Variants in UTRN observed in about 807,000 individuals in gnomAD.
The protein encoded by UTRN is dystrophin-related protein 1.
Under a neutral mutation model 463.9 loss-of-function variants are expected in UTRN, and 283 were observed. The ratio of observed to expected loss-of-function variants is 0.61; its 90% CI spans 0.55 to 0.67. UTRN has a LOEUF of 0.67. UTRN is among the 30% of genes least tolerant of loss of function. The probability of loss-of-function intolerance (pLI) is 0.00; values close to 1 mark genes in which losing one functional copy is unlikely to be tolerated. For missense variants in UTRN, 3,922 were observed against 4,084.3 expected (o/e 0.96, Z 1.08); for synonymous variants, 1,442 against 1,431.5 (o/e 1.01, Z -0.17).
chr6:144,609,851 A>G (rs567756921), intron 51 of UTRN, among the ~76,000 whole-genome samples: 2 of 152,314 alleles, frequency 1.3e-5, no homozygotes, highest in East Asian at 3.9e-4. Flanking sequence ...AGAAAAAATT[A>G]GAATGAAATT....
chr6:144,321,461 CT>C (rs529134208), intron 2 of UTRN, among the ~76,000 whole-genome samples: 1,770 of 100,342 alleles, frequency 0.018, 4 homozygotes, highest in East Asian at 0.11. Context: ...TGTGCCATAT[CT>C]TTTTTTTTTT....
At chr6:144,502,699 A>G (rs1794309791) in intron 34 of UTRN, among the ~76,000 whole-genome samples, 2 of 152,208 alleles carry the variant, frequency 1.3e-5, no homozygotes, top group Non-Finnish European at 2.9e-5. Context: ...TGCTATTGTG[A>G]ATAGTGCTGC....
Position 144,757,455 on chromosome 6 carries a change from A to C in UTRN, c.8435-474A>C, listed in dbSNP as rs539863486. Among the ~76,000 whole-genome samples, 3 of 152,142 alleles carry C rather than the reference A, an allele frequency of 2.0e-5. No individual in the cohort carries two copies. In the South Asian group the frequency reaches 6.2e-4, roughly 31 times the overall value. ...AATGTTATAGAATTGAATTTACTTA[A>C]ATGCCATCTGTACTCAATAGCTACT... On this transcript the variant is annotated intron_variant, in intron 57 of 74. Coordinates refer to ENST00000367545, the MANE Select transcript of UTRN (RefSeq NM_007124.3).
chr6:144,590,178 A>C (rs1299705267), intron 51 of UTRN, among the ~76,000 whole-genome samples: 1 of 152,172 alleles, frequency 6.6e-6, no homozygotes, highest in Non-Finnish European at 1.5e-5. Context: ...GAAGTTTAAA[A>C]GTAAGGAAAT....
intron 9 of UTRN, among the ~76,000 whole-genome samples, chr6:144,434,312 C>CATCAGAGGGAGACCGGCTA (rs1786309194): frequency 7.8e-6 from 1 of 128,274 alleles, no homozygotes; most frequent in African/African-American, 2.7e-5. Context: ...AGCTTCGGCT[C>CATCAGAGGGAGACCGGCTA]GGCATCAGAG....
chr6:144,426,701 T>A (rs1447480986), intron 7 of UTRN, among the ~76,000 whole-genome samples: 1 of 152,256 alleles, frequency 6.6e-6, no homozygotes, highest in East Asian at 1.9e-4. Context: ...TATTTATGAA[T>A]TTAAAAAATA....
At chr6:144,398,610 G>A (rs1216635304) in intron 2 of UTRN, 6 of 176,834 alleles carry the variant, frequency 3.4e-5, no homozygotes, top group East Asian at 1.6e-4. Flanking sequence ...ACAGCAGTAC[G>A]GAGAGAAAAA....
At position 144,523,093 on chromosome 6, in the gene UTRN, A is replaced by G; in HGVS notation, c.5811A>G (p.Glu1937=). The change falls in exon 41 of 75, where the codon GAA becomes GAG. Residue 1937 remains glutamate, a synonymous_variant. Coordinates refer to ENST00000367545, the MANE Select transcript of UTRN (RefSeq NM_007124.3). The part of the protein sequence containing the change: ...IHEKQPDVIL[E]ASGPEAIQIR... ...AAAAACAGCCAGATGTCATCCTTGA[A>G]GCCTCTGGACCTGAAGCCATTCAGA... 2.5e-6 allele frequency: 4 copies of G among 1,613,606 alleles called. No homozygotes were observed. In the South Asian group the frequency reaches 3.3e-5, roughly 13 times the overall value.
chr6:144,453,912 G>A, intron 19 of UTRN, 43 bp downstream of exon 19: 1 of 1,550,220 alleles, frequency 6.5e-7, no homozygotes, highest in Non-Finnish European at 8.9e-7. Flanking sequence ...TCAGATGGTG[G>A]CATCGAATAA....
At chr6:144,494,710 T>G (rs1235116253) in intron 33 of UTRN, among the ~76,000 whole-genome samples, 1 of 151,514 alleles carries the variant, frequency 6.6e-6, no homozygotes, top group Non-Finnish European at 1.5e-5. Flanking sequence ...AGATACAGAG[T>G]GTGGACACAA....
At chr6:144,482,017 TCAAAAA>T (rs113400184) in intron 26 of UTRN, among the ~76,000 whole-genome samples, 186 bp from the exon 27 acceptor site, 2,056 of 152,028 alleles carry the variant, frequency 0.014, 45 homozygotes, top group African/African-American at 0.047. Flanking sequence ...AGACTCTATC[TCAAAAA>T]CAAAAACAAA....
chr6:144,702,030 A>G (rs142428715), intron 53 of UTRN, among the ~76,000 whole-genome samples: 2 of 152,322 alleles, frequency 1.3e-5, no homozygotes, highest in African/African-American at 2.4e-5. Context: ...ACTTCTATTA[A>G]TTATTCATAC....
At chr6:144,450,056 C>G (rs771251967) in intron 17 of UTRN, among the ~76,000 whole-genome samples, 10 of 152,138 alleles carry the variant, frequency 6.6e-5, no homozygotes, top group African/African-American at 2.4e-4. Flanking sequence ...TGGTTTTGAC[C>G]AACCTTCTCA....
chr6:144,716,588 C>T (rs1786471175), intron 53 of UTRN, among the ~76,000 whole-genome samples: 1 of 152,034 alleles, frequency 6.6e-6, no homozygotes, highest in African/African-American at 2.4e-5. Context: ...TTCTAGTGGG[C>T]ATTCCTTTCT....
At chr6:144,681,041 G>T (rs997259009) in intron 52 of UTRN, among the ~76,000 whole-genome samples, 2 of 152,152 alleles carry the variant, frequency 1.3e-5, no homozygotes, top group Non-Finnish European at 2.9e-5. Context: ...ACACAGCTAC[G>T]GAGGATGCCT....
At chr6:144,824,607 TA>T (rs1562955066) in intron 66 of UTRN, among the ~76,000 whole-genome samples, 1,253 of 48,204 alleles carry the variant, frequency 0.026, 28 homozygotes, top group Non-Finnish European at 0.032. Flanking sequence ...TATATATATA[TA>T]TATATCTTTT....
At position 144,341,564 on chromosome 6, in the gene UTRN, C is replaced by T. The variant is rs370081392; in HGVS notation, c.79+49657C>T. On this transcript the variant is annotated intron_variant, in intron 2 of 74. Transcript: ENST00000367545. ...AGTGTCTAAATTTTAACTTGTCTTC[C>T]TTGGCTACCTTCAAAATTTGAGATC... is the stretch of plus-strand genomic sequence containing the variant. Among the ~76,000 whole-genome samples, 7 of 152,278 alleles carry T rather than the reference C, an allele frequency of 4.6e-5. 1 individual carries two copies. The highest frequency in any genetic ancestry group is 1.7e-4 in the African/African-American group (7 of 41,564).
intron 25 of UTRN, among the ~76,000 whole-genome samples, chr6:144,478,439 T>A (rs763115133): frequency 6.6e-5 from 10 of 152,184 alleles, no homozygotes; most frequent in Non-Finnish European, 1.3e-4. Flanking sequence ...TCTTTCTGTG[T>A]GTGTGCATGT....
chr6:144,533,137 G>T lies in UTRN; in HGVS notation c.6110G>T (p.Arg2037Leu), dbSNP rs766391697. Residue 2037 changes from arginine to leucine, a missense_variant, in exon 43 of 75, where the codon CGA becomes CTA. By Grantham distance (102) the Arg-to-Leu change is moderately radical. Coordinates refer to ENST00000367545, the MANE Select transcript of UTRN (RefSeq NM_007124.3). ...CAGCCCAGTTTTGCAGCACTAAACC[G>T]AACTGGGGATGGGATTGTGCAGAAA... ...SHQPSFAALNRTGDGIVQKLS... is the reference protein window; with the variant it reads ...SHQPSFAALNLTGDGIVQKLS... 1.9e-6 allele frequency: 3 copies of T among 1,614,038 alleles called. No homozygotes were observed. The highest frequency in any genetic ancestry group is 2.5e-6 in the Non-Finnish European group (3 of 1,179,964).
Sources: gnomAD v4.1 joint callset for allele counts (sites outside exome capture counted in the v4.1 genomes callset) on GRCh38, gnomAD v4.1.1 for gene constraint, MANE v1.5 for transcripts, NCBI Gene and HGNC (gene_info 2026-07-23, HGNC 2026-07-21) for gene names.